Variants in OPRM1 observed in about 807,000 individuals in gnomAD.
The protein encoded by OPRM1 is mu-type opioid receptor.
In OPRM1, 27 loss-of-function variants were observed where a neutral mutation model predicts 31.8. That is an observed-to-expected ratio of 0.85 (90% CI 0.63 to 1.17). OPRM1 has a LOEUF of 1.17. Ranked by LOEUF, OPRM1 falls within the 50% of genes most tolerant of loss-of-function variation. OPRM1 has a pLI of 0.00. For synonymous variants in OPRM1, 196 were observed against 189.9 expected, an observed-to-expected ratio of 1.03 and a Z score of -0.26; for missense variants, 536 against 511.1, an observed-to-expected ratio of 1.05 and a Z score of -0.47.
intron 3 of OPRM1, chr6:154,094,333 C>A: frequency 2.9e-6 from 2 of 693,034 alleles, no homozygotes; most frequent in Non-Finnish European, 4.5e-6. Context: ...TTTGATAAGC[C>A]AATGAGAAAA....
At position 154,023,863 on chromosome 6, in the gene OPRM1, G is replaced by A. The variant is rs540864509; in HGVS notation, c.-1+12845G>A. On this transcript the variant is annotated intron_variant, in intron 1 of 5. Coordinates refer to the OPRM1 transcript ENST00000434900. Reference sequence around the variant, plus strand: ...CTATGTATCACATTGATTGATTTGTGTATGCTTTGAATCCCAGGGATAAAT... The same window carrying A: ...CTATGTATCACATTGATTGATTTGTATATGCTTTGAATCCCAGGGATAAAT... 1.6e-4 allele frequency among the ~76,000 whole-genome samples: 25 copies of A among 151,600 alleles called. 1 individual carries two copies. Among genetic ancestry groups the A allele is most frequent in the Admixed American group, 1.2e-3 (19 of 15,250 alleles).
In OPRM1 at chr6:154,179,332, AT is replaced by A. The variant is rs758388261; in HGVS notation, c.1165-67358del. ...TTTTCAGTAAAGCAGTATTTTAAAA[AT>A]TTCCCTTTTGCTTTTTATATATTTT... On this transcript the variant is annotated intron_variant, in intron 3 of 3. Coordinates refer to the OPRM1 transcript ENST00000337049. Among the ~76,000 whole-genome samples, 4 of 152,182 alleles carry A rather than the reference AT, an allele frequency of 2.6e-5. No individual in the cohort carries two copies. In the East Asian group the frequency reaches 5.8e-4, roughly 22 times the overall value.
At chr6:154,045,692 C>G (rs1264982301) in intron 1 of OPRM1, among the ~76,000 whole-genome samples, 25 of 152,344 alleles carry the variant, frequency 1.6e-4, no homozygotes, top group Non-Finnish European at 7.3e-5. Flanking sequence ...CTGAGTAACA[C>G]TTCACCTTGG....
chr6:154,089,783 A>T, intron 1 of OPRM1, 43 bp from the exon 2 acceptor site: 1 of 1,336,888 alleles, frequency 7.5e-7, no homozygotes, highest in South Asian at 1.3e-5. Flanking sequence ...ATTTTACACT[A>T]GTGTCTTTTA....
At position 154,122,203 on chromosome 6, in the gene OPRM1, A is replaced by G. The variant is rs929588390; in HGVS notation, c.*3482A>G. Reference sequence around the variant, plus strand: ...AATTCTTGAGGTCAATCAGAACCAAAAAATCTGTTGCTGGAAGAAATATTA... The same window carrying G: ...AATTCTTGAGGTCAATCAGAACCAAGAAATCTGTTGCTGGAAGAAATATTA... On this transcript the variant is annotated 3_prime_UTR_variant, in exon 4 of 4. Transcript: ENST00000330432. 5.3e-5 allele frequency among the ~76,000 whole-genome samples: 8 copies of G among 152,226 alleles called. No individual in the cohort carries two copies. Among genetic ancestry groups the G allele is most frequent in the African/African-American group, 1.9e-4 (8 of 41,476 alleles).
intron 3 of OPRM1, among the ~76,000 whole-genome samples, chr6:154,239,924 A>T (rs1032595558): frequency 2.0e-5 from 3 of 151,398 alleles, no homozygotes; most frequent in Admixed American, 6.6e-5. Flanking sequence ...CTGATCTTGA[A>T]CTCCTGACCT....
intron 3 of OPRM1, among the ~76,000 whole-genome samples, chr6:154,190,853 G>A (rs1172871555): frequency 2.0e-5 from 3 of 152,098 alleles, no homozygotes; most frequent in Admixed American, 6.6e-5. Context: ...CCAGGAGATC[G>A]AGACCATCCT....
chr6:154,216,268 A>G (rs1778384824), intron 3 of OPRM1, among the ~76,000 whole-genome samples: 1 of 152,000 alleles, frequency 6.6e-6, no homozygotes, highest in African/African-American at 2.4e-5. Flanking sequence ...GATTCTATCA[A>G]TTTCCTGTTA....
Position 154,128,562 on chromosome 6 carries a change from C to CT in OPRM1, c.*9849dup, listed in dbSNP as rs910057229. 2.6e-5 allele frequency among the ~76,000 whole-genome samples: 4 copies of CT among 151,960 alleles called. No individual in the cohort carries two copies. Among genetic ancestry groups the CT allele is most frequent in the Non-Finnish European group, 4.4e-5 (3 of 67,966 alleles). On this transcript the variant is annotated 3_prime_UTR_variant, in exon 4 of 4. Transcript: ENST00000330432. ...TAAAATATGGGCACCTCTTTTAATT[C>CT]TTTTTTTTCTCATAATAAGTTTGAA...
At chr6:154,100,015 A>G (rs1794361998) in intron 3 of OPRM1, among the ~76,000 whole-genome samples, 1 of 125,042 alleles carries the variant, frequency 8.0e-6, no homozygotes, top group Non-Finnish European at 1.6e-5. Context: ...TATGATATAT[A>G]TCATAACATA....
In OPRM1 at chr6:154,168,345, C is replaced by T. The variant is rs1799601105; in HGVS notation, c.1164+76873C>T. 6.6e-6 allele frequency among the ~76,000 whole-genome samples: 1 copy of T among 152,138 alleles called. No individual in the cohort carries two copies. Among genetic ancestry groups the T allele is most frequent in the Non-Finnish European group, 1.5e-5 (1 of 68,036 alleles). ...CACCAGGGAAGGAGTTATTCCAAGC[C>T]TCTCTCCTGGCTTCAAGTGGTTTTT... On this transcript the variant is annotated intron_variant, in intron 3 of 3. Coordinates refer to the OPRM1 transcript ENST00000337049. This position sits in a 1 kb window ranked among gnomAD's most constrained non-coding sequence, Gnocchi z 4.1.
At chr6:154,099,143 G>T (rs1284334340) in intron 3 of OPRM1, among the ~76,000 whole-genome samples, 1 of 151,992 alleles carries the variant, frequency 6.6e-6, no homozygotes, top group Non-Finnish European at 1.5e-5. Flanking sequence ...AAAAAAGCCA[G>T]GCGCGGTGGC....
intron 1 of OPRM1, among the ~76,000 whole-genome samples, chr6:154,015,545 C>A (rs999583320): frequency 2.6e-5 from 4 of 151,838 alleles, no homozygotes; most frequent in Non-Finnish European, 5.9e-5. Context: ...AAAAATTAAA[C>A]CCTGTAGTAC....
Position 154,127,420 on chromosome 6 carries a change from T to C in OPRM1, c.*8699T>C, listed in dbSNP as rs1481494855. Among the ~76,000 whole-genome samples, 1 of 152,092 alleles carries C rather than the reference T, an allele frequency of 6.6e-6. No individual in the cohort carries two copies. The highest frequency in any genetic ancestry group is 2.4e-5 in the African/African-American group (1 of 41,400). ...GGGTTTAGGGGCTTAGGGGGAGGTTTTGTTTGGGTTTTTTGTTGCTGTTGC... is the reference window on the plus strand; with the variant it reads ...GGGTTTAGGGGCTTAGGGGGAGGTTCTGTTTGGGTTTTTTGTTGCTGTTGC... On this transcript the variant is annotated 3_prime_UTR_variant, in exon 4 of 4. Coordinates refer to ENST00000330432, the MANE Select transcript of OPRM1 (RefSeq NM_000914.5).
chr6:154,147,034 C>G (rs1798376346), intron 3 of OPRM1, among the ~76,000 whole-genome samples: 1 of 152,140 alleles, frequency 6.6e-6, no homozygotes, highest in Non-Finnish European at 1.5e-5. Flanking sequence ...GACTTTTGTA[C>G]TCTTCATAAA....
At chr6:154,235,547 A>AAAAAAAAT (rs1562558352) in intron 3 of OPRM1, among the ~76,000 whole-genome samples, 1 of 149,736 alleles carries the variant, frequency 6.7e-6, no homozygotes. Context: ...AAAAAAAAAA[A>AAAAAAAAT]AAAAGTAATG....
chr6:154,018,498 G>A (rs188195277), intron 1 of OPRM1, among the ~76,000 whole-genome samples: 14 of 141,020 alleles, frequency 9.9e-5, no homozygotes, highest in Non-Finnish European at 1.4e-4. Flanking sequence ...ATTGTGCCCC[G>A]TTAATTCTTT....
At chr6:154,194,655 C>T (rs900885849) in intron 3 of OPRM1, among the ~76,000 whole-genome samples, 6 of 152,092 alleles carry the variant, frequency 3.9e-5, no homozygotes, top group African/African-American at 1.2e-4. Context: ...ACTCCTAACT[C>T]CTAGCTTCAG....
intron 3 of OPRM1, chr6:154,159,598 C>T (rs935622910): frequency 2.3e-5 from 12 of 527,798 alleles, no homozygotes; most frequent in African/African-American, 7.9e-5. Flanking sequence ...ACACAAAAAA[C>T]GCCTTTCAAC....
Sources: gnomAD v4.1 joint callset for allele counts (sites outside exome capture counted in the v4.1 genomes callset) on GRCh38, gnomAD v4.1.1 for gene constraint, Gnocchi (gnomAD v3.1) non-coding constraint, MANE v1.5 for transcripts, NCBI Gene and HGNC (gene_info 2026-07-23, HGNC 2026-07-21) for gene names.